Variants in CLEC16A observed in about 807,000 individuals in gnomAD.
CLEC16A encodes C-type lectin domain containing 16A, also known as protein CLEC16A.
In CLEC16A, 51 loss-of-function variants were observed where a neutral mutation model predicts 109.5. The observed-to-expected ratio is 0.47, with a 90% CI of 0.37 to 0.59. The LOEUF is 0.59. Among genes scored for constraint, CLEC16A ranks in the 20% least tolerant of loss-of-function variants. The pLI is 0.00. For missense variants in CLEC16A, 1,339 were observed against 1,394.0 expected, an observed-to-expected ratio of 0.96 and a Z score of 0.63; for synonymous variants, 673 against 564.2, an observed-to-expected ratio of 1.19 and a Z score of -2.73.
chr16:10,985,246 C>G (rs1311231156), intron 10 of CLEC16A, among the ~76,000 whole-genome samples: 1 of 144,714 alleles, frequency 6.9e-6, no homozygotes, highest in Non-Finnish European at 1.5e-5. Context: ...TAGTGCCCAT[C>G]AAGTGCCTGC....
At chr16:11,153,416 C>A (rs1004174796) in intron 22 of CLEC16A, among the ~76,000 whole-genome samples, 5 of 151,932 alleles carry the variant, frequency 3.3e-5, no homozygotes, top group Non-Finnish European at 5.9e-5. Context: ...GGGTCATGTC[C>A]AGAGTTGTCT....
intron 11 of CLEC16A, among the ~76,000 whole-genome samples, chr16:11,016,160 A>C (rs566246340): frequency 6.8e-6 from 1 of 147,278 alleles, no homozygotes; most frequent in Admixed American, 7.2e-5. Flanking sequence ...GAAGCGTTAA[A>C]AGACCTACTG....
intron 19 of CLEC16A, among the ~76,000 whole-genome samples, chr16:11,119,449 C>T (rs1414582040): frequency 5.3e-5 from 8 of 152,144 alleles, no homozygotes; most frequent in Non-Finnish European, 1.0e-4. Flanking sequence ...AGTGCAGTGG[C>T]ATGATCATGG....
chr16:11,152,772 G>C (rs1207591141), intron 22 of CLEC16A, among the ~76,000 whole-genome samples: 1 of 152,186 alleles, frequency 6.6e-6, no homozygotes, highest in Non-Finnish European at 1.5e-5. Context: ...CAGTCAGGTG[G>C]TGACGGCATC....
In CLEC16A at chr16:11,181,891, G is replaced by A. The variant is rs202238306; in HGVS notation, c.*3201G>A. The A allele has an allele frequency of 4.6e-5, 7 of 152,756 alleles. No homozygotes were observed. The highest frequency in any genetic ancestry group is 3.4e-3 in the Middle Eastern group (1 of 296). 9.5% of individuals were successfully genotyped at this position (152,756 alleles called of 1,614,324 possible). ...GGGGTGAACTGATTTTGATCTTCTT[G>A]TCTAGATGCAATAAATAAATCTGAA... On this transcript the variant is annotated 3_prime_UTR_variant, in exon 24 of 24. Transcript: ENST00000409790.
At chr16:11,169,271 C>T (rs971335131) in intron 23 of CLEC16A, among the ~76,000 whole-genome samples, 4 of 152,024 alleles carry the variant, frequency 2.6e-5, no homozygotes, top group African/African-American at 7.2e-5. Flanking sequence ...GCTTCTTTGC[C>T]ATTGATTTGT....
At chr16:11,173,903 C>T (rs530680638) in intron 23 of CLEC16A, among the ~76,000 whole-genome samples, 2 of 152,250 alleles carry the variant, frequency 1.3e-5, no homozygotes, top group African/African-American at 2.4e-5. Flanking sequence ...TTAAGTTGCA[C>T]GAGTGAACAA....
chr16:11,040,514 CTT>C (rs781297913), intron 14 of CLEC16A: 3 of 101,528 alleles, frequency 3.0e-5, no homozygotes, highest in Non-Finnish European at 3.7e-5. Context: ...TTTTTCTTTT[CTT>C]TTTTTTTTTT....
chr16:10,977,195 C>T lies in CLEC16A; in HGVS notation c.729-30C>T, dbSNP rs749508014. The T allele has an allele frequency of 1.6e-5, 26 of 1,604,244 alleles. No homozygotes were observed. In the African/African-American group the frequency reaches 3.2e-4, roughly 20 times the overall value. On this transcript the variant is annotated intron_variant, in intron 7 of 23. Coordinates refer to ENST00000409790, the MANE Select transcript of CLEC16A (RefSeq NM_015226.3). ...GCTCAAAGGCTCCTAGTGTTGGCCT[C>T]CAGGCTGAGGTGGTCATTTCTCCTG... is the stretch of plus-strand genomic sequence containing the variant.
chr16:10,978,875 G>A (rs1010112542), intron 8 of CLEC16A, among the ~76,000 whole-genome samples: 3 of 152,188 alleles, frequency 2.0e-5, no homozygotes, highest in Non-Finnish European at 2.9e-5. Context: ...CTCTAACAGG[G>A]TGGGTGTGAA....
Position 11,044,018 on chromosome 16 carries a change from C to T in CLEC16A, c.1771-10C>T. On this transcript the variant is annotated splice_polypyrimidine_tract_variant and intron_variant, in intron 15 of 23. Coordinates refer to ENST00000409790, the MANE Select transcript of CLEC16A (RefSeq NM_015226.3). ...CCTGCCTCCTTCACACCTTCCTTCTCTTTTAACAGGGTGCGAGAGAAGAAA... is the reference window on the plus strand; with the variant it reads ...CCTGCCTCCTTCACACCTTCCTTCTTTTTTAACAGGGTGCGAGAGAAGAAA... 6.2e-7 allele frequency: 1 copy of T among 1,604,010 alleles called. No homozygotes were observed. Among genetic ancestry groups the T allele is most frequent in the Non-Finnish European group, 8.5e-7 (1 of 1,174,594 alleles).
intron 19 of CLEC16A, among the ~76,000 whole-genome samples, chr16:11,070,218 G>C (rs1319625077): frequency 1.3e-5 from 2 of 151,938 alleles, no homozygotes; most frequent in South Asian, 2.1e-4. Context: ...CTACAGGCGC[G>C]TGCCACCACG....
At chr16:11,036,845 G>C (rs896132628) in intron 13 of CLEC16A, among the ~76,000 whole-genome samples, 1 of 152,074 alleles carries the variant, frequency 6.6e-6, no homozygotes, top group Non-Finnish European at 1.5e-5. Flanking sequence ...CACCGTGCCC[G>C]GCCTAACTTT....
chr16:11,014,706 C>G (rs559107692), intron 11 of CLEC16A, among the ~76,000 whole-genome samples: 1 of 152,180 alleles, frequency 6.6e-6, no homozygotes, highest in Admixed American at 6.5e-5. Flanking sequence ...GCCTCAGTCC[C>G]GGCCTTGGGG....
At chr16:11,121,605 C>A (rs890458433) in intron 20 of CLEC16A, among the ~76,000 whole-genome samples, 2 of 151,394 alleles carry the variant, frequency 1.3e-5, no homozygotes, top group African/African-American at 4.9e-5. Flanking sequence ...GTGGGCCAGA[C>A]GTGGTGGCTC....
intron 4 of CLEC16A, among the ~76,000 whole-genome samples, chr16:10,969,519 G>A (rs1000368612): frequency 3.9e-5 from 6 of 152,148 alleles, no homozygotes; most frequent in African/African-American, 1.2e-4. Flanking sequence ...TTAAAAAAAT[G>A]TAATTCTTTG....
chr16:11,042,207 G>A, intron 14 of CLEC16A, 47 bp from the exon 15 acceptor site: 2 of 1,454,986 alleles, frequency 1.4e-6, no homozygotes, highest in African/African-American at 1.4e-5. Context: ...TGGGTTTAAG[G>A]GCGCCCCACC....
intron 11 of CLEC16A, among the ~76,000 whole-genome samples, chr16:11,003,585 T>G (rs1301970471): frequency 6.6e-6 from 1 of 152,194 alleles, no homozygotes; most frequent in East Asian, 1.9e-4. Flanking sequence ...TAACAAATAG[T>G]ACCTACTTTG....
Position 10,969,199 on chromosome 16 carries a change from G to A in CLEC16A, c.382G>A (p.Val128Ile), listed in dbSNP as rs955859891. ...LSNNYVNSII[V>I]HKFDFSDEEI... ...AAATAACTACGTAAATTCTATCATC[G>A]TTCATAAATTTGACTTTTCTGATGA... Residue 128 changes from valine (V) to isoleucine (I), a missense_variant, in exon 4 of 24, where the codon GTT becomes ATT. Val to Ile is a conservative substitution (Grantham distance 29). Around this residue, in one of 3 missense-constraint regions of CLEC16A, gnomAD observed 161 missense variants for 267.1 expected, o/e 0.60. Coordinates refer to ENST00000409790, the MANE Select transcript of CLEC16A (RefSeq NM_015226.3). 3.1e-6 allele frequency: 5 copies of A among 1,609,346 alleles called. No homozygotes were observed. Among genetic ancestry groups the A allele is most frequent in the African/African-American group, 2.7e-5 (2 of 74,480 alleles).
Sources: allele counts gnomAD v4.1 joint callset (sites outside exome capture counted in the v4.1 genomes callset), GRCh38; gene constraint gnomAD v4.1.1; regional missense constraint gnomAD v4.1.1; transcripts MANE v1.5; gene names NCBI Gene and HGNC (gene_info 2026-07-23, HGNC 2026-07-21).